Variants in RELN observed in about 807,000 individuals in gnomAD.
RELN encodes reelin.
RELN carries 108 observed loss-of-function variants against 427.6 expected under a neutral mutation model. The observed-to-expected ratio is 0.25, with a 90% CI of 0.22 to 0.30. RELN has a LOEUF of 0.30. Among genes scored for constraint, RELN ranks in the 10% least tolerant of loss-of-function variants. The pLI is 1.00. For missense variants in RELN, 3,715 were observed against 4,302.8 expected, an observed-to-expected ratio of 0.86 and a Z score of 3.82; for synonymous variants, 1,524 against 1,513.4, an observed-to-expected ratio of 1.01 and a Z score of -0.16.
Position 103,483,685 on chromosome 7 carries a change from T to C in RELN, c.10149A>G (p.Thr3383=). The C allele has an allele frequency of 1.9e-6, 3 of 1,614,184 alleles. No homozygotes were observed. Among genetic ancestry groups the C allele is most frequent in the Non-Finnish European group, 2.5e-6 (3 of 1,180,028 alleles). ...CATTGTAAGACACTCTCTGAGCTTG[T>C]GTGAAGTCCTTTGGCTGGTGCTGGG... The part of the protein sequence containing the change: ...VIAQHQPKDF[T]QAQRVSYNVP... The change falls in exon 62 of 65, where the codon ACA becomes ACG. Residue 3383 remains threonine, a synonymous_variant. Transcript: ENST00000428762.
intron 8 of RELN, among the ~76,000 whole-genome samples, chr7:103,703,586 TCTTTA>T (rs774298378): frequency 6.6e-6 from 1 of 152,168 alleles, no homozygotes; most frequent in Admixed American, 6.5e-5. Context: ...AACAGGCACT[TCTTTA>T]CTTTCTCTCT....
intron 22 of RELN, among the ~76,000 whole-genome samples, chr7:103,607,563 G>A (rs533626091): frequency 2.6e-5 from 4 of 152,240 alleles, no homozygotes; most frequent in Admixed American, 2.6e-4. Flanking sequence ...CTGTTGTGTG[G>A]GTCATGAAAT....
intron 2 of RELN, among the ~76,000 whole-genome samples, chr7:103,893,269 G>T (rs972748788): frequency 6.6e-6 from 1 of 152,120 alleles, no homozygotes; most frequent in African/African-American, 2.4e-5. Context: ...AGAAGCCCAA[G>T]AATGTGTGTA....
chr7:103,913,619 A>G (rs1795417668), intron 2 of RELN, among the ~76,000 whole-genome samples: 1 of 152,124 alleles, frequency 6.6e-6, no homozygotes, highest in Non-Finnish European at 1.5e-5. Context: ...CCCTAATCAA[A>G]TTAAATGTTT....
intron 4 of RELN, among the ~76,000 whole-genome samples, chr7:103,773,260 CCTCT>C (rs1421923864): frequency 9.3e-6 from 1 of 107,468 alleles, no homozygotes; most frequent in African/African-American, 3.7e-5. Flanking sequence ...TCCCTCCCTC[CCTCT>C]CTCCCTGTCT....
chr7:103,608,058 T>C (rs1445083551), intron 22 of RELN, among the ~76,000 whole-genome samples: 1 of 152,210 alleles, frequency 6.6e-6, no homozygotes, highest in Non-Finnish European at 1.5e-5. Flanking sequence ...CATTTGCTTT[T>C]ATGTATTCAA....
At position 103,654,086 on chromosome 7, in the gene RELN, T is replaced by A. The variant is rs764139642; in HGVS notation, c.1554+7A>T. On this transcript the variant is annotated splice_region_variant and intron_variant, in intron 13 of 64. Coordinates refer to ENST00000428762, the MANE Select transcript of RELN (RefSeq NM_005045.4). ...GGTCTATTTGCCACACAGACTGGCA[T>A]GTGTACCTTATATGAGGAATAGGAA... is the stretch of plus-strand genomic sequence containing the variant. The A allele has an allele frequency of 1.3e-5, 19 of 1,502,104 alleles. No homozygotes were observed. In the South Asian group the frequency reaches 2.0e-4, roughly 16 times the overall value. 93.0% of individuals were successfully genotyped at this position (1,502,104 alleles called of 1,614,324 possible). A position where few individuals can be genotyped will look rare whatever the true frequency, so the allele number is the denominator to read the frequency against.
chr7:103,904,520 G>C (rs775204682), intron 2 of RELN, among the ~76,000 whole-genome samples: 1 of 152,116 alleles, frequency 6.6e-6, no homozygotes, highest in African/African-American at 2.4e-5. Flanking sequence ...AGCATCTACT[G>C]TTCCTTGACT....
chr7:103,905,860 G>C (rs1795193213), intron 2 of RELN, among the ~76,000 whole-genome samples: 1 of 152,170 alleles, frequency 6.6e-6, no homozygotes, highest in Non-Finnish European at 1.5e-5. Flanking sequence ...GAATTCCACG[G>C]AGGTAGCGGG....
chr7:103,913,045 A>T (rs915363419), intron 2 of RELN, among the ~76,000 whole-genome samples: 1 of 152,170 alleles, frequency 6.6e-6, no homozygotes, highest in African/African-American at 2.4e-5. Flanking sequence ...GCTTACAGTC[A>T]TCTTTTGCAT....
At chr7:103,473,264 G>C (rs1258643290) in intron 64 of RELN, among the ~76,000 whole-genome samples, 1 of 152,154 alleles carries the variant, frequency 6.6e-6, no homozygotes, top group Non-Finnish European at 1.5e-5. Flanking sequence ...TTTGAGAAGT[G>C]TGCTCTATAC....
chr7:103,487,421 T>C (rs1277977763), intron 60 of RELN, among the ~76,000 whole-genome samples: 1 of 82,490 alleles, frequency 1.2e-5, no homozygotes, highest in Non-Finnish European at 2.5e-5. Flanking sequence ...AAGAGAAATA[T>C]AACAAAATCC....
chr7:103,625,840 A>T (rs530521464), intron 20 of RELN, among the ~76,000 whole-genome samples: 12 of 152,238 alleles, frequency 7.9e-5, no homozygotes, highest in Middle Eastern at 3.4e-3. Flanking sequence ...TTCGAAAAAG[A>T]AATCATTAAA....
At chr7:103,506,932 C>A (rs1286527963) in intron 51 of RELN, among the ~76,000 whole-genome samples, 2 of 152,146 alleles carry the variant, frequency 1.3e-5, no homozygotes, top group Non-Finnish European at 2.9e-5. Flanking sequence ...TCAAAAGAGA[C>A]AAAGACTGGC....
intron 49 of RELN, among the ~76,000 whole-genome samples, chr7:103,518,934 T>C (rs1359722134): frequency 2.6e-5 from 4 of 152,204 alleles, no homozygotes; most frequent in Non-Finnish European, 4.4e-5. Flanking sequence ...TTACATTTTA[T>C]TGTGTTTCTT....
Position 103,875,050 on chromosome 7 carries a change from G to A in RELN, c.338-41378C>T, listed in dbSNP as rs1370246156. 6.9e-5 allele frequency among the ~76,000 whole-genome samples: 10 copies of A among 145,082 alleles called. 1 individual carries two copies. Among genetic ancestry groups the A allele is most frequent in the East Asian group, 2.3e-4 (1 of 4,374 alleles). ...ACAGAATAGAGCCCTCAGAAATAACGCCGCATACCTACAACTATCTGATCT... is the reference window on the plus strand; with the variant it reads ...ACAGAATAGAGCCCTCAGAAATAACACCGCATACCTACAACTATCTGATCT... On this transcript the variant is annotated intron_variant, in intron 2 of 64. Transcript: ENST00000428762.
chr7:103,554,998 T>G (rs1309082793), intron 38 of RELN, among the ~76,000 whole-genome samples: 1 of 152,234 alleles, frequency 6.6e-6, no homozygotes, highest in Non-Finnish European at 1.5e-5. Flanking sequence ...AAATATTCTA[T>G]GATCAATAAT....
intron 6 of RELN, among the ~76,000 whole-genome samples, chr7:103,745,339 T>C (rs377075227): frequency 1.6e-4 from 25 of 152,118 alleles, no homozygotes; most frequent in African/African-American, 1.2e-4. Context: ...GGAAGCATTC[T>C]CTTTGAAAAC....
intron 41 of RELN, among the ~76,000 whole-genome samples, chr7:103,549,704 C>T (rs1338262713): frequency 6.6e-6 from 1 of 152,240 alleles, no homozygotes; most frequent in Non-Finnish European, 1.5e-5. Flanking sequence ...GGATCATAAA[C>T]TTCTGTTGCT....
Sources: allele counts gnomAD v4.1 joint callset (sites outside exome capture counted in the v4.1 genomes callset), GRCh38; gene constraint gnomAD v4.1.1; transcripts MANE v1.5; gene names NCBI Gene and HGNC (gene_info 2026-07-23, HGNC 2026-07-21).